The following CDH13 variants were observed in gnomAD, a reference collection of about 807,000 sequenced individuals.
The protein encoded by CDH13 is cadherin 13, also known as cadherin-13.
A neutral mutation model predicts 63.8 loss-of-function variants in CDH13; 24 were observed. The observed-to-expected ratio is 0.38, with a 90% confidence interval of 0.27 to 0.53. The LOEUF (loss-of-function observed/expected upper bound fraction) is 0.53. CDH13 is among the 20% of genes least tolerant of loss of function. The pLI is 0.85. For missense variants in CDH13, 1,049 were observed against 903.1 expected (o/e 1.16, Z -2.07); for synonymous variants, 503 against 355.3 (o/e 1.42, Z -4.67).
intron 3 of CDH13, among the ~76,000 whole-genome samples, chr16:83,104,341 A>C (rs2034657020): frequency 1.3e-5 from 2 of 152,182 alleles, no homozygotes; most frequent in African/African-American, 4.8e-5. Flanking sequence ...GAATTTATTA[A>C]TGTAAACTGC....
intron 5 of CDH13, among the ~76,000 whole-genome samples, chr16:83,259,840 C>G (rs1906744993): frequency 6.6e-6 from 1 of 152,096 alleles, no homozygotes; most frequent in South Asian, 2.1e-4. Context: ...GCACCATGAA[C>G]CACAGCACCC....
chr16:83,119,181 G>C (rs1001704016), intron 3 of CDH13, among the ~76,000 whole-genome samples: 3 of 152,154 alleles, frequency 2.0e-5, no homozygotes, highest in Admixed American at 6.5e-5. Context: ...TCTCCTCTCT[G>C]TGCTTCTGGT....
chr16:82,837,264 G>A (rs1030393783), intron 1 of CDH13, among the ~76,000 whole-genome samples: 1 of 152,126 alleles, frequency 6.6e-6, no homozygotes, highest in African/African-American at 2.4e-5. Flanking sequence ...AAATAGTGGT[G>A]GTGAGCATGG....
intron 5 of CDH13, among the ~76,000 whole-genome samples, chr16:83,299,402 G>T (rs2089680153): frequency 1.3e-5 from 2 of 152,048 alleles, no homozygotes; most frequent in African/African-American, 4.8e-5. Context: ...AGTAGGTTTG[G>T]ACTCCTCATG....
intron 6 of CDH13, among the ~76,000 whole-genome samples, chr16:83,444,407 G>A (rs117123964): frequency 1.4e-4 from 21 of 152,224 alleles, no homozygotes; most frequent in East Asian, 1.2e-3. Flanking sequence ...GTTTAAACTC[G>A]GTAAGGAACT....
chr16:82,988,903 C>T (rs1339499368), intron 2 of CDH13, among the ~76,000 whole-genome samples: 1 of 152,144 alleles, frequency 6.6e-6, no homozygotes, highest in Non-Finnish European at 1.5e-5. Flanking sequence ...CAGGTCAGAA[C>T]ATTCCAAGTG....
intron 6 of CDH13, among the ~76,000 whole-genome samples, chr16:83,451,309 A>G (rs543148227): frequency 4.7e-4 from 71 of 152,298 alleles, no homozygotes; most frequent in African/African-American, 1.7e-3. Flanking sequence ...AGCAGGCAAG[A>G]GAAAGCATGT....
At position 83,753,153 on chromosome 16, in the gene CDH13, A is replaced by G. The variant is rs151116787; in HGVS notation, c.1681+4903A>G. Among the ~76,000 whole-genome samples the G allele has an allele frequency of 2.1e-3, 327 of 152,336 alleles. 1 individual carries two copies. Among genetic ancestry groups the G allele is most frequent in the African/African-American group, 7.6e-3 (314 of 41,576 alleles). ...AACATAAATTAAAAAGCCCTTATAA[A>G]TCAGAGCAACTTTTATTTAAAAGCT... On this transcript the variant is annotated intron_variant, in intron 11 of 13. Transcript: ENST00000567109.
At chr16:83,179,375 G>A (rs2038253729) in intron 4 of CDH13, among the ~76,000 whole-genome samples, 1 of 151,602 alleles carries the variant, frequency 6.6e-6, no homozygotes, top group Non-Finnish European at 1.5e-5. Context: ...TGGGCGCGGT[G>A]GCTCACGCCT....
chr16:82,852,974 A>G (rs1597803369), intron 1 of CDH13, among the ~76,000 whole-genome samples: 2 of 152,368 alleles, frequency 1.3e-5, no homozygotes, highest in East Asian at 3.9e-4. Flanking sequence ...CAGGATAAAA[A>G]AAAACCCTTT....
intron 1 of CDH13, among the ~76,000 whole-genome samples, chr16:82,722,338 C>G (rs1479749262): frequency 6.6e-6 from 1 of 152,152 alleles, no homozygotes; most frequent in African/African-American, 2.4e-5. Context: ...ACTTCACTCT[C>G]AGGCAGGGTC....
At chr16:82,970,424 G>A (rs1384363980) in intron 2 of CDH13, among the ~76,000 whole-genome samples, 4 of 86,420 alleles carry the variant, frequency 4.6e-5, no homozygotes, top group Non-Finnish European at 9.2e-5. Context: ...ACGGAGTCTC[G>A]CTCTGTCGCC....
At chr16:82,945,552 T>A (rs1783781991) in intron 2 of CDH13, among the ~76,000 whole-genome samples, 1 of 152,180 alleles carries the variant, frequency 6.6e-6, no homozygotes, top group African/African-American at 2.4e-5. Flanking sequence ...CTTAGGGCAT[T>A]TACTGTGGTG....
chr16:83,764,643 C>G (rs1347066029), intron 11 of CDH13, among the ~76,000 whole-genome samples: 12 of 151,668 alleles, frequency 7.9e-5, no homozygotes, highest in Middle Eastern at 3.4e-3. Context: ...CTGAAGTCAG[C>G]CCTTTACTCT....
intron 1 of CDH13, among the ~76,000 whole-genome samples, chr16:82,788,977 G>A (rs915504319): frequency 2.0e-5 from 3 of 152,188 alleles, no homozygotes; most frequent in African/African-American, 7.2e-5. Flanking sequence ...CCCCTACTAG[G>A]CCGTTAGTCA....
intron 1 of CDH13, among the ~76,000 whole-genome samples, chr16:82,673,374 C>T (rs1036935396): frequency 6.6e-6 from 1 of 152,166 alleles, no homozygotes; most frequent in African/African-American, 2.4e-5. Context: ...TACTAGTTCT[C>T]TCTAGAAACT....
intron 10 of CDH13, among the ~76,000 whole-genome samples, chr16:83,698,328 G>A (rs1905695779): frequency 6.6e-6 from 1 of 152,188 alleles, no homozygotes; most frequent in Admixed American, 6.5e-5. Flanking sequence ...ATTATTTGAT[G>A]CACTTCCTTG....
chr16:83,780,597 T>C (rs1875845681), intron 12 of CDH13, among the ~76,000 whole-genome samples: 2 of 152,240 alleles, frequency 1.3e-5, no homozygotes, highest in South Asian at 4.1e-4. Context: ...AGGCTTTTAC[T>C]ATCCCCATCA....
At chr16:83,460,795 C>T (rs1007634070) in intron 6 of CDH13, among the ~76,000 whole-genome samples, 1 of 149,816 alleles carries the variant, frequency 6.7e-6, no homozygotes, top group African/African-American at 2.5e-5. Context: ...GGATTTTGTC[C>T]AAGATCAGCC....
Sources: gnomAD v4.1 joint callset for allele counts (sites outside exome capture counted in the v4.1 genomes callset) on GRCh38, gnomAD v4.1.1 for gene constraint, MANE v1.5 for transcripts, NCBI Gene and HGNC (gene_info 2026-07-23, HGNC 2026-07-21) for gene names.